Variants in EPB41L3 observed in about 807,000 individuals in gnomAD.
EPB41L3 encodes erythrocyte membrane protein band 4.1 like 3.
In EPB41L3, 57 loss-of-function variants were observed where a neutral mutation model predicts 127.1. The ratio of observed to expected loss-of-function variants is 0.45; its 90% CI spans 0.36 to 0.56. The LOEUF (loss-of-function observed/expected upper bound fraction) is 0.56, where lower values mean the gene tolerates loss of function less well. EPB41L3 is among the 20% of genes least tolerant of loss of function. EPB41L3 has a pLI of 0.00. For missense variants in EPB41L3, 1,273 were observed against 1,372.2 expected, an observed-to-expected ratio of 0.93 and a Z score of 1.14; for synonymous variants, 572 against 549.5, an observed-to-expected ratio of 1.04 and a Z score of -0.57.
At chr18:5,415,513 C>T (rs545542025) in intron 13 of EPB41L3, among the ~76,000 whole-genome samples, 87 of 152,264 alleles carry the variant, frequency 5.7e-4, no homozygotes, top group Admixed American at 2.1e-3. Flanking sequence ...TTAGCTTAGC[C>T]CTGATCTTTT....
rs1334298062 is a variant in EPB41L3, at chr18:5,433,693, A to G, written c.825-137T>C. ...AGATACATGAGAAAAGAATAACAAG[A>G]AAAAGGGCTTTGCAAGAAAGCACTA... On this transcript the variant is annotated intron_variant, in intron 7 of 22. Transcript: ENST00000341928. The G allele has an allele frequency of 2.1e-5, 19 of 900,134 alleles. No individual in the cohort carries two copies. In the East Asian group the frequency reaches 5.0e-4, roughly 24 times the overall value. 55.8% of individuals were successfully genotyped at this position (900,134 alleles called of 1,614,324 possible).
chr18:5,580,665 C>T (rs2094385468), intron 3 of EPB41L3, among the ~76,000 whole-genome samples: 1 of 152,160 alleles, frequency 6.6e-6, no homozygotes, highest in Non-Finnish European at 1.5e-5. Context: ...TATAGACACA[C>T]ATATGCATAA....
intron 3 of EPB41L3, among the ~76,000 whole-genome samples, chr18:5,469,325 T>C (rs944858641): frequency 2.0e-5 from 3 of 152,202 alleles, no homozygotes; most frequent in Non-Finnish European, 4.4e-5. Flanking sequence ...GCGTTCCCCT[T>C]GTCCAGACAT....
At chr18:5,510,055 C>T (rs1299831885) in intron 1 of EPB41L3, among the ~76,000 whole-genome samples, 4 of 152,094 alleles carry the variant, frequency 2.6e-5, no homozygotes, top group South Asian at 2.1e-4. Context: ...CTTGAGGGCT[C>T]GTACCTCTGA....
At chr18:5,595,015 A>G (rs957151766) in intron 3 of EPB41L3, among the ~76,000 whole-genome samples, 1 of 152,222 alleles carries the variant, frequency 6.6e-6, no homozygotes, top group African/African-American at 2.4e-5. Flanking sequence ...CTAGGCACAT[A>G]GAGAATATGC....
chr18:5,582,509 A>G (rs190541862), intron 3 of EPB41L3, among the ~76,000 whole-genome samples: 10 of 152,364 alleles, frequency 6.6e-5, no homozygotes, highest in Admixed American at 6.5e-4. Flanking sequence ...ACAGATGTTT[A>G]CTTTTTAAAT....
At chr18:5,563,874 T>C (rs2094164783) in intron 3 of EPB41L3, among the ~76,000 whole-genome samples, 1 of 152,192 alleles carries the variant, frequency 6.6e-6, no homozygotes, top group African/African-American at 2.4e-5. Flanking sequence ...AATATTTGCC[T>C]GCAGCTCAGG....
At chr18:5,563,642 A>C (rs1358005182) in intron 3 of EPB41L3, among the ~76,000 whole-genome samples, 1 of 152,148 alleles carries the variant, frequency 6.6e-6, no homozygotes, top group African/African-American at 2.4e-5. Flanking sequence ...CTGACTAGGA[A>C]AGGAGGAGTC....
intron 1 of EPB41L3, chr18:5,508,225 G>T (rs1177625622): frequency 6.6e-6 from 1 of 152,046 alleles, no homozygotes; most frequent in Non-Finnish European, 1.5e-5. Context: ...CTTCTAAACG[G>T]CATGATAAAA....
At chr18:5,561,696 A>G (rs1046447232) in intron 3 of EPB41L3, among the ~76,000 whole-genome samples, 2 of 152,202 alleles carry the variant, frequency 1.3e-5, no homozygotes, top group African/African-American at 4.8e-5. Context: ...TTTAAGCTGC[A>G]TAGTTTCAAA....
intron 5 of EPB41L3, among the ~76,000 whole-genome samples, chr18:5,440,241 T>G (rs1027443977): frequency 4.6e-5 from 7 of 152,166 alleles, no homozygotes; most frequent in African/African-American, 9.7e-5. Flanking sequence ...TCACTACTGC[T>G]ACTAAGGAAT....
chr18:5,511,673 G>A (rs1000433656), intron 1 of EPB41L3, among the ~76,000 whole-genome samples: 18 of 151,606 alleles, frequency 1.2e-4, no homozygotes, highest in Non-Finnish European at 2.6e-4. Context: ...CCTCAATACT[G>A]CAACCTTCCA....
chr18:5,451,722 C>G (rs1375498599), intron 3 of EPB41L3, among the ~76,000 whole-genome samples: 3 of 152,216 alleles, frequency 2.0e-5, no homozygotes, highest in African/African-American at 7.2e-5. Context: ...GACACCGAAG[C>G]AATGTTTTAA....
At chr18:5,460,162 T>C (rs1342127729) in intron 3 of EPB41L3, among the ~76,000 whole-genome samples, 2 of 152,224 alleles carry the variant, frequency 1.3e-5, no homozygotes, top group African/African-American at 4.8e-5. Flanking sequence ...CATTTGGTTT[T>C]CTGTTCCTAC....
chr18:5,624,622 G>A (rs111471717), intron 1 of EPB41L3, among the ~76,000 whole-genome samples: 319 of 152,228 alleles, frequency 2.1e-3, no homozygotes, highest in Admixed American at 3.9e-3. Context: ...TCCTCATACT[G>A]ACTTGACATG....
chr18:5,488,608 A>T (rs1025923279), intron 2 of EPB41L3, among the ~76,000 whole-genome samples: 1 of 142,522 alleles, frequency 7.0e-6, no homozygotes, highest in Admixed American at 6.8e-5. Context: ...ATAATAATAA[A>T]AGCAGATCTG....
chr18:5,472,179 A>G (rs1347818474), intron 3 of EPB41L3, among the ~76,000 whole-genome samples: 2 of 152,206 alleles, frequency 1.3e-5, no homozygotes, highest in Non-Finnish European at 2.9e-5. Flanking sequence ...TTTAGTAAAC[A>G]GTCTGTTTTA....
intron 14 of EPB41L3, 75 bp from the exon 15 acceptor site, chr18:5,407,811 C>T: frequency 7.0e-7 from 1 of 1,434,214 alleles, no homozygotes; most frequent in Non-Finnish European, 9.8e-7. Flanking sequence ...CTATGGTCTA[C>T]ATAGACTTGC....
intron 1 of EPB41L3, among the ~76,000 whole-genome samples, chr18:5,501,930 C>G (rs1372783382): frequency 6.6e-6 from 1 of 152,174 alleles, no homozygotes; most frequent in Non-Finnish European, 1.5e-5. Context: ...TACTCCAGGG[C>G]TGTTCACTGT....
Sources: gnomAD v4.1 joint callset for allele counts (sites outside exome capture counted in the v4.1 genomes callset) on GRCh38, gnomAD v4.1.1 for gene constraint, MANE v1.5 for transcripts, NCBI Gene and HGNC (gene_info 2026-07-23, HGNC 2026-07-21) for gene names.